SYTL2: variants seen among roughly 807,000 people sequenced by gnomAD.
SYTL2 encodes synaptotagmin-like protein 2.
Under a neutral mutation model 198.7 loss-of-function variants are expected in SYTL2, and 165 were observed. The ratio of observed to expected loss-of-function variants is 0.83; its 90% CI spans 0.73 to 0.94. The LOEUF (loss-of-function observed/expected upper bound fraction) is 0.94, where lower values mean the gene tolerates loss of function less well. SYTL2 is among the 40% of genes least tolerant of loss of function. The pLI is 0.00. For synonymous variants in SYTL2, 966 were observed against 917.7 expected, an observed-to-expected ratio of 1.05 and a Z score of -0.95; for missense variants, 2,835 against 2,582.8, an observed-to-expected ratio of 1.10 and a Z score of -2.12.
chr11:85,815,187 C>T (rs1034952932), upstream of SYTL2, among the ~76,000 whole-genome samples: 1 of 152,166 alleles, frequency 6.6e-6, no homozygotes, highest in African/African-American at 2.4e-5. Context: ...CAAAGAGCAG[C>T]ACTTTTGCCA....
At chr11:85,833,851 G>A in the SYTL2 span, among the ~76,000 whole-genome samples, 5 of 150,112 alleles carry the variant, frequency 3.3e-5, no homozygotes, top group African/African-American at 7.3e-5. Context: ...CTTTTCTCCT[G>A]CCTCAGCTTC....
At position 85,724,325 on chromosome 11, in the gene SYTL2, G is replaced by A. The variant is rs769352570; in HGVS notation, c.5033C>T (p.Thr1678Ile). The change falls in exon 8 of 20, where the codon ACT (threonine) becomes ATT (isoleucine). Residue 1678 changes from threonine (T) to isoleucine (I), a missense_variant. Coordinates refer to ENST00000359152, the MANE Select transcript of SYTL2 (RefSeq NM_206927.4). The stretch of plus-strand genomic sequence containing the variant: ...GTCCCTGTCCTCTGGGGGGGTTACA[G>A]TTTTAATGGTCCCTATTTCATGAGC... Reference protein sequence around the residue: ...YVAHEIGTIKTVTPPEDRDSE... With the variant: ...YVAHEIGTIKIVTPPEDRDSE... The A allele has an allele frequency of 7.0e-6, 11 of 1,581,812 alleles. No individual in the cohort carries two copies. The highest frequency in any genetic ancestry group is 1.2e-5 in the South Asian group (1 of 84,234).
chr11:85,724,610 G>A lies in SYTL2; in HGVS notation c.4748C>T (p.Pro1583Leu), dbSNP rs2088858517. The stretch of plus-strand genomic sequence containing the variant: ...AGTTTCTTCTCTCACTGACACCTGG[G>A]GCTGATAAGGAGGAGCTTCAGTTAT... ...KEITEAPPYQ[P>L]QVSVREETHE... Residue 1583 changes from proline to leucine, a missense_variant, in exon 8 of 20, where the codon CCC (proline) becomes CTC (leucine). Physicochemically the swap from Pro to Leu is moderately conservative, Grantham distance 98. Coordinates refer to ENST00000359152, the MANE Select transcript of SYTL2 (RefSeq NM_206927.4). 6.2e-7 allele frequency: 1 copy of A among 1,613,270 alleles called. No homozygotes were observed. Among genetic ancestry groups the A allele is most frequent in the South Asian group, 1.1e-5 (1 of 90,966 alleles).
upstream of SYTL2, among the ~76,000 whole-genome samples, chr11:85,814,984 C>A (rs2093059774): frequency 6.6e-6 from 1 of 152,196 alleles, no homozygotes; most frequent in Non-Finnish European, 1.5e-5. Flanking sequence ...TTACTTGTCA[C>A]AGGATCTGCC....
the SYTL2 span, among the ~76,000 whole-genome samples, chr11:85,845,761 C>CA: frequency 3.3e-5 from 5 of 151,944 alleles, no homozygotes; most frequent in Middle Eastern, 0.01. Flanking sequence ...CACACACACA[C>CA]AAAAATTAGC....
the SYTL2 span, among the ~76,000 whole-genome samples, chr11:85,847,566 G>A: frequency 6.6e-6 from 1 of 152,088 alleles, no homozygotes; most frequent in Non-Finnish European, 1.5e-5. Context: ...CAAAATGGTT[G>A]CACAATTTTG....
chr11:85,733,774 T>A, intron 7 of SYTL2, 165 bp downstream of exon 7: 1 of 566,322 alleles, frequency 1.8e-6, no homozygotes, highest in Admixed American at 3.3e-5. Flanking sequence ...TAATTTTTTG[T>A]ATTTTTAGTA....
At chr11:85,842,536 T>C in the SYTL2 span, among the ~76,000 whole-genome samples, 3 of 152,224 alleles carry the variant, frequency 2.0e-5, no homozygotes, top group Non-Finnish European at 4.4e-5. Flanking sequence ...TTGGCTTTTC[T>C]TCCTCCCTCA....
the SYTL2 span, among the ~76,000 whole-genome samples, chr11:85,845,200 A>G: frequency 6.6e-6 from 1 of 152,168 alleles, no homozygotes; most frequent in Non-Finnish European, 1.5e-5. Flanking sequence ...TCTGGAAAGT[A>G]TCCAACTGTT....
At chr11:85,709,590 T>G (rs1344196552) in intron 13 of SYTL2, 90 bp from the exon 14 acceptor site, 13 of 1,242,344 alleles carry the variant, frequency 1.0e-5, no homozygotes, top group Non-Finnish European at 1.5e-5. Flanking sequence ...CTGGCATTAT[T>G]TCTTTAGCTT....
the SYTL2 span, among the ~76,000 whole-genome samples, chr11:85,843,223 T>C: frequency 3.4e-4 from 51 of 151,710 alleles, no homozygotes; most frequent in East Asian, 3.9e-3. Context: ...AAAACACAAA[T>C]TGGGTGTGCT....
rs550404 is a variant in SYTL2, at chr11:85,724,687, C to T, written c.4671G>A (p.Pro1557=). 1,049,085 of 1,613,294 alleles carry T rather than the reference C, an allele frequency of 0.65. 343,165 individuals carry two copies. Among genetic ancestry groups the T allele is most frequent in the Non-Finnish European group, 0.66 (781,185 of 1,179,742 alleles). ...CATCAAAAGCACTCTCAGTTATTAA[C>T]GGAGCCTCGGCCTTTTCTACTGTTT... ...LKETVEKAEA[P]LITESAFDAG... The change falls in exon 8 of 20, where the codon CCG becomes CCA. Residue 1557 remains proline (P), a synonymous_variant. Transcript: ENST00000359152.
chr11:85,706,125 G>A (rs182445857), intron 15 of SYTL2, among the ~76,000 whole-genome samples: 37 of 152,290 alleles, frequency 2.4e-4, no homozygotes, highest in African/African-American at 8.7e-4. Context: ...TATCTTTCCA[G>A]TAAACATATT....
At chr11:85,699,357 C>G (rs552983552) in intron 17 of SYTL2, among the ~76,000 whole-genome samples, 6 of 152,122 alleles carry the variant, frequency 3.9e-5, no homozygotes, top group Non-Finnish European at 1.5e-5. Context: ...CATGGTGGCA[C>G]CCATCACAAC....
the SYTL2 span, chr11:85,853,089 C>T: frequency 8.5e-3 from 2,374 of 280,222 alleles, 28 homozygotes; most frequent in South Asian, 0.019. Context: ...AGGTCGGGGG[C>T]GCCTCTGCCC....
chr11:85,797,492 G>T (rs925284120), intron 1 of SYTL2, among the ~76,000 whole-genome samples: 1 of 151,886 alleles, frequency 6.6e-6, no homozygotes. Flanking sequence ...GCTGGGCATG[G>T]TGGCAGGCAT....
intron 12 of SYTL2, 116 bp from the exon 13 acceptor site, chr11:85,711,348 AG>A (rs2086242978): frequency 4.5e-6 from 5 of 1,104,290 alleles, no homozygotes; most frequent in Non-Finnish European, 2.6e-6. Flanking sequence ...GCAAGGTCAA[AG>A]GATGCTAGTG....
chr11:85,756,243 G>A (rs933962543), intron 2 of SYTL2, among the ~76,000 whole-genome samples: 6 of 152,172 alleles, frequency 3.9e-5, no homozygotes, highest in Admixed American at 1.3e-4. Context: ...TGGGGACACT[G>A]TTTAAGGCAC....
chr11:85,852,243 G>C, the SYTL2 span, among the ~76,000 whole-genome samples: 2 of 152,202 alleles, frequency 1.3e-5, no homozygotes, highest in African/African-American at 4.8e-5. Flanking sequence ...GAGCAGGGAA[G>C]CCTAAAGGGG....
Sources: allele counts gnomAD v4.1 joint callset (sites outside exome capture counted in the v4.1 genomes callset), GRCh38; gene constraint gnomAD v4.1.1; transcripts MANE v1.5; gene names NCBI Gene and HGNC (gene_info 2026-07-23, HGNC 2026-07-21).